ADCY1: variants seen among roughly 807,000 people sequenced by gnomAD.
The protein encoded by ADCY1 is adenylate cyclase type 1.
ADCY1 carries 28 observed loss-of-function variants against 105.4 expected under a neutral mutation model. The ratio of observed to expected loss-of-function variants is 0.27; its 90% CI spans 0.20 to 0.36. The LOEUF is 0.36. Ranked by LOEUF, ADCY1 falls within the 10% of genes least tolerant of loss-of-function variation. The pLI is 1.00. For missense variants in ADCY1, 977 were observed against 1,434.2 expected (o/e 0.68, Z 5.15); for synonymous variants, 655 against 623.8 (o/e 1.05, Z -0.75).
chr7:45,646,546 C>T (rs1378785564), intron 4 of ADCY1, among the ~76,000 whole-genome samples: 1 of 152,238 alleles, frequency 6.6e-6, no homozygotes, highest in Admixed American at 6.5e-5. Flanking sequence ...CCCAGATCAT[C>T]ACTGGTCCTC....
chr7:45,621,920 G>A (rs79410640), intron 3 of ADCY1, among the ~76,000 whole-genome samples: 4,728 of 152,234 alleles, frequency 0.031, 97 homozygotes, highest in African/African-American at 0.055. Flanking sequence ...CAAAGAGCAT[G>A]TTTTAATATT....
intron 14 of ADCY1, among the ~76,000 whole-genome samples, chr7:45,688,810 A>G (rs1335094712): frequency 6.6e-6 from 1 of 151,970 alleles, no homozygotes; most frequent in Non-Finnish European, 1.5e-5. Context: ...GTATACTCAC[A>G]GTCCTGTAAC....
intron 4 of ADCY1, among the ~76,000 whole-genome samples, chr7:45,624,603 A>G (rs1035631474): frequency 2.6e-5 from 4 of 152,172 alleles, no homozygotes; most frequent in African/African-American, 9.7e-5. Context: ...CCTGGGCCAA[A>G]GTTCCACAGC....
At chr7:45,624,382 C>T (rs940673510) in intron 4 of ADCY1, among the ~76,000 whole-genome samples, 44 of 152,050 alleles carry the variant, frequency 2.9e-4, no homozygotes, top group African/African-American at 9.2e-4. Context: ...GGATTTTGGA[C>T]GCTACTCCCT....
In ADCY1 at chr7:45,574,599, G is replaced by A. The variant is rs1241048520; in HGVS notation, c.56G>A (p.Gly19Glu). 5 of 1,106,874 alleles carry A rather than the reference G, an allele frequency of 4.5e-6. No individual in the cohort carries two copies. The highest frequency in any genetic ancestry group is 5.0e-5 in the East Asian group (1 of 19,996). 68.6% of individuals were successfully genotyped at this position (1,106,874 alleles called of 1,614,324 possible). A position where few individuals can be genotyped will look rare whatever the true frequency, so the allele number is the denominator to read the frequency against. Residue 19 changes from glycine (G) to glutamate (E), a missense_variant, in exon 1 of 20, where the codon GGG becomes GAG. Physicochemically the swap from Gly to Glu is moderately conservative, Grantham distance 98. Coordinates refer to ENST00000297323, the MANE Select transcript of ADCY1 (RefSeq NM_021116.4). This position sits in a 1 kb window ranked among gnomAD's most constrained non-coding sequence, Gnocchi z 7.0. ...GGGGGGAGEP[G>E]GAERAAGTSR... ...GGCGGAGGCGGCGCGGGCGAGCCCG[G>A]GGGCGCCGAGCGGGCGGCCGGGACA...
At position 45,686,573 on chromosome 7, in the gene ADCY1, A is replaced by G. The variant is rs1249543988; in HGVS notation, c.2354A>G (p.Tyr785Cys). Reference protein sequence around the residue: ...TGGGAVSGRSYEPIVAILLFS... With the variant: ...TGGGAVSGRSCEPIVAILLFS... Reference sequence around the variant, plus strand: ...GGTGGTGCCGTCTCCGGGCGCAGCTACGAGCCGATTGTGGCCATCCTGCTC... The same window carrying G: ...GGTGGTGCCGTCTCCGGGCGCAGCTGCGAGCCGATTGTGGCCATCCTGCTC... Residue 785 changes from tyrosine (Y) to cysteine (C), a missense_variant, in exon 14 of 20, where the codon TAC becomes TGC. By Grantham distance (194) the Tyr-to-Cys change is radical. This residue lies in a region of ADCY1 where 275 missense variants were observed against 362.1 expected (regional missense o/e 0.76). Transcript: ENST00000297323. The surrounding 1 kb of genome is among the most constrained non-coding windows in gnomAD (Gnocchi z 4.3). 6.2e-7 allele frequency: 1 copy of G among 1,612,938 alleles called. No individual in the cohort carries two copies. Among genetic ancestry groups the G allele is most frequent in the East Asian group, 2.2e-5 (1 of 44,842 alleles).
intron 10 of ADCY1, among the ~76,000 whole-genome samples, chr7:45,678,715 A>C (rs1206564357): frequency 1.4e-5 from 1 of 69,308 alleles, no homozygotes; most frequent in Admixed American, 1.4e-4. Flanking sequence ...CTCTATCTAC[A>C]AAAAAAAAAA....
At chr7:45,609,510 G>A (rs149865734) in intron 2 of ADCY1, among the ~76,000 whole-genome samples, 1 of 152,340 alleles carries the variant, frequency 6.6e-6, no homozygotes, top group African/African-American at 2.4e-5. Context: ...CTGTTTCCGC[G>A]CTTGTCAGTG....
intron 8 of ADCY1, chr7:45,664,213 G>A: frequency 1.4e-6 from 2 of 1,393,006 alleles, no homozygotes; most frequent in Non-Finnish European, 2.0e-6. Flanking sequence ...CCTAGGAGAA[G>A]TTTCAGAGCC....
intron 6 of ADCY1, 23 bp downstream of exon 6, chr7:45,657,908 A>AAGGGGGGGGTGGGGGGGGGGG: frequency 8.4e-6 from 2 of 237,426 alleles, no homozygotes; most frequent in Non-Finnish European, 1.7e-5. Context: ...TGGGGTGGGG[A>AAGGGGGGGGTGGGGGGGGGGG]GGGGAGGGAG....
chr7:45,661,681 T>A (rs943554136), intron 7 of ADCY1, among the ~76,000 whole-genome samples: 3 of 152,104 alleles, frequency 2.0e-5, no homozygotes, highest in African/African-American at 7.2e-5. Flanking sequence ...GCGATTTCTT[T>A]CCTTGTCTGT....
In ADCY1 at chr7:45,717,766, G is replaced by C. The variant is rs1437098315; in HGVS notation, c.*3771G>C. 1.3e-5 allele frequency: 2 copies of C among 152,450 alleles called. No homozygotes were observed. Among genetic ancestry groups the C allele is most frequent in the East Asian group, 3.9e-4 (2 of 5,192 alleles). 9.4% of individuals were successfully genotyped at this position (152,450 alleles called of 1,614,324 possible). Reference sequence around the variant, plus strand: ...CCCGGGTGGTCCATGCCTGCGGGGTGTCTGTATCCTGCAGGAGGACGCCCC... The same window carrying C: ...CCCGGGTGGTCCATGCCTGCGGGGTCTCTGTATCCTGCAGGAGGACGCCCC... On this transcript the variant is annotated 3_prime_UTR_variant, in exon 20 of 20. Coordinates refer to ENST00000297323, the MANE Select transcript of ADCY1 (RefSeq NM_021116.4).
At chr7:45,636,270 A>G (rs1361228466) in intron 4 of ADCY1, among the ~76,000 whole-genome samples, 1 of 152,230 alleles carries the variant, frequency 6.6e-6, no homozygotes, top group Admixed American at 6.5e-5. Flanking sequence ...GTATTTGCAT[A>G]TAACCTTTAT....
At chr7:45,589,825 T>C (rs1236962292) in intron 1 of ADCY1, among the ~76,000 whole-genome samples, 1 of 151,712 alleles carries the variant, frequency 6.6e-6, no homozygotes, top group Admixed American at 6.6e-5. Flanking sequence ...GCCCAGCTCC[T>C]AGAGGAGTGG....
Position 45,677,882 on chromosome 7 carries a change from G to T in ADCY1, c.1619G>T (p.Arg540Ile). The T allele has an allele frequency of 6.2e-7, 1 of 1,613,944 alleles. No individual in the cohort carries two copies. Among genetic ancestry groups the T allele is most frequent in the South Asian group, 1.1e-5 (1 of 91,046 alleles). Reference sequence around the variant, plus strand: ...TGATGGCTCCAGCGGAGGGCATTAAGAACAGCCTCGGAAAAACTCAGAAAC... The same window carrying T: ...TGATGGCTCCAGCGGAGGGCATTAATAACAGCCTCGGAAAAACTCAGAAAC... The part of the protein sequence containing the change: ...CEDDDKRRAL[R>I]TASEKLRNRS... Residue 540 changes from arginine to isoleucine, a missense_variant, in exon 9 of 20, where the codon AGA becomes ATA. Arg to Ile is a moderately conservative substitution (Grantham distance 97). Transcript: ENST00000297323.
In ADCY1 at chr7:45,703,341, G is replaced by A. The variant is rs763543459; in HGVS notation, c.2455-35G>A. The A allele has an allele frequency of 1.3e-6, 2 of 1,598,772 alleles. No individual in the cohort carries two copies. The highest frequency in any genetic ancestry group is 1.7e-6 in the Non-Finnish European group (2 of 1,166,672). ...GTGGGAACAAGTGAAGGCAGCGTGAGTGGATGGGACTAATGGAGGCTCATG... is the reference window on the plus strand; with the variant it reads ...GTGGGAACAAGTGAAGGCAGCGTGAATGGATGGGACTAATGGAGGCTCATG... On this transcript the variant is annotated intron_variant, in intron 14 of 19. Coordinates refer to ENST00000297323, the MANE Select transcript of ADCY1 (RefSeq NM_021116.4). This position sits in a 1 kb window ranked among gnomAD's most constrained non-coding sequence, Gnocchi z 5.9.
At chr7:45,581,443 A>G (rs1792541016) in intron 1 of ADCY1, among the ~76,000 whole-genome samples, 1 of 152,202 alleles carries the variant, frequency 6.6e-6, no homozygotes, top group East Asian at 1.9e-4. Flanking sequence ...TGTTTAGCCC[A>G]AGTGTTCTCT....
At chr7:45,620,616 A>T (rs1793865193) in intron 3 of ADCY1, among the ~76,000 whole-genome samples, 1 of 152,210 alleles carries the variant, frequency 6.6e-6, no homozygotes, top group South Asian at 2.1e-4. Context: ...ACTCAAAAAG[A>T]CCCACACTGA....
At position 45,686,105 on chromosome 7, in the gene ADCY1, C is replaced by T; in HGVS notation, c.2217C>T (p.Leu739=). 6.2e-7 allele frequency: 1 copy of T among 1,614,170 alleles called. No individual in the cohort carries two copies. The highest frequency in any genetic ancestry group is 8.5e-7 in the Non-Finnish European group (1 of 1,180,018). Residue 739 remains leucine, a synonymous_variant, in exon 13 of 20, where the codon CTC becomes CTT. Transcript: ENST00000297323. This position sits in a 1 kb window ranked among gnomAD's most constrained non-coding sequence, Gnocchi z 4.3. ...HALLCCLVGT[L]PLAIFFRVSS... is the part of the protein sequence containing the mutation. ...TGCTCTGCTGCCTGGTGGGCACCCT[C>T]CCGCTAGCCATATTTTTCCGGGTGT...
Sources: gnomAD v4.1 joint callset for allele counts (sites outside exome capture counted in the v4.1 genomes callset) on GRCh38, gnomAD v4.1.1 for gene constraint, gnomAD v4.1.1 regional missense constraint, Gnocchi (gnomAD v3.1) non-coding constraint, MANE v1.5 for transcripts, NCBI Gene and HGNC (gene_info 2026-07-23, HGNC 2026-07-21) for gene names.